Variants in CUL2 observed in about 807,000 individuals in gnomAD.
The protein encoded by CUL2 is cullin 2.
CUL2 carries 22 observed loss-of-function variants against 110.2 expected under a neutral mutation model. The ratio of observed to expected loss-of-function variants is 0.20; its 90% confidence interval spans 0.14 to 0.28. The LOEUF (loss-of-function observed/expected upper bound fraction) is 0.28, where lower values mean the gene tolerates loss of function less well. Ranked by LOEUF, CUL2 falls within the 10% of genes least tolerant of loss-of-function variation. The pLI is 1.00. For synonymous variants in CUL2, 279 were observed against 293.2 expected (o/e 0.95, Z 0.49); for missense variants, 631 against 905.5 (o/e 0.70, Z 3.89).
chr10:35,071,108 G>T, intron 2 of CUL2, 91 bp downstream of exon 2: 2 of 1,263,162 alleles, frequency 1.6e-6, no homozygotes, highest in Non-Finnish European at 2.2e-6. Context: ...TAGTTACATG[G>T]GAAAGTTCTT....
Position 35,070,329 on chromosome 10 carries a change from G to T in CUL2, c.119+870C>A, listed in dbSNP as rs568546960. On this transcript the variant is annotated intron_variant, in intron 2 of 20. Transcript: ENST00000374749. The stretch of plus-strand genomic sequence containing the variant: ...GTTGTAATGAATTAAATGGTTTTCT[G>T]TTGGTCTAAAGAACTTTACTCTTCT... Among the ~76,000 whole-genome samples, 14 of 152,258 alleles carry T rather than the reference G, an allele frequency of 9.2e-5. No individual in the cohort carries two copies. In the South Asian group the frequency reaches 2.7e-3, roughly 29 times the overall value.
chr10:35,023,163 C>T (rs2085245332), intron 17 of CUL2, among the ~76,000 whole-genome samples: 2 of 152,042 alleles, frequency 1.3e-5, no homozygotes, highest in African/African-American at 2.4e-5. Flanking sequence ...TTGAGTTAAT[C>T]ATTTTACAAT....
At chr10:35,119,732 C>T (rs1055431905) in intron 1 of CUL2, among the ~76,000 whole-genome samples, 8 of 151,922 alleles carry the variant, frequency 5.3e-5, no homozygotes, top group Non-Finnish European at 8.8e-5. Flanking sequence ...CCACATCTGG[C>T]TCATTTTTCT....
chr10:35,073,962 T>A (rs1396107144), intron 1 of CUL2: 2 of 688,644 alleles, frequency 2.9e-6, no homozygotes, highest in African/African-American at 3.5e-5. Flanking sequence ...AGAAACTTGC[T>A]TAAGGTCACA....
chr10:35,091,108 GT>G (rs1400748879), upstream of CUL2, among the ~76,000 whole-genome samples: 1 of 152,084 alleles, frequency 6.6e-6, no homozygotes, highest in Non-Finnish European at 1.5e-5. Context: ...AGTTTGAAGG[GT>G]TTTCCTCCCT....
chr10:35,113,228 G>A (rs2087543371), intron 1 of CUL2, among the ~76,000 whole-genome samples: 1 of 149,762 alleles, frequency 6.7e-6, no homozygotes, highest in South Asian at 2.1e-4. Flanking sequence ...AGGTGCGGTG[G>A]CTCACTTCTG....
intron 1 of CUL2, among the ~76,000 whole-genome samples, chr10:35,075,289 T>C (rs1302613482): frequency 6.6e-6 from 1 of 152,150 alleles, no homozygotes; most frequent in Non-Finnish European, 1.5e-5. Flanking sequence ...AAAGCTCATA[T>C]AACTAGGAAA....
chr10:35,044,492 A>T, intron 8 of CUL2, 74 bp downstream of exon 8: 1 of 920,508 alleles, frequency 1.1e-6, no homozygotes, highest in Non-Finnish European at 1.6e-6. Flanking sequence ...AAACAAGAAA[A>T]CTAAGAACGA....
At chr10:35,060,799 TA>T in intron 4 of CUL2, 74 bp downstream of exon 4, 13 of 1,181,920 alleles carry the variant, frequency 1.1e-5, no homozygotes, top group East Asian at 4.8e-5. Context: ...AAATAGGCAA[TA>T]AAAAAATTAT....
intron 4 of CUL2, among the ~76,000 whole-genome samples, chr10:35,057,931 T>TA (rs1018564402): frequency 2.5e-4 from 37 of 148,364 alleles, no homozygotes; most frequent in East Asian, 1.8e-3. Flanking sequence ...CCATCTCTAC[T>TA]AAAAAAAAAT....
At chr10:35,028,999 G>A (rs1351641100) in intron 15 of CUL2, 112 bp from the exon 16 acceptor site, 3 of 630,448 alleles carry the variant, frequency 4.8e-6, no homozygotes, top group Non-Finnish European at 8.1e-6. Flanking sequence ...TCCTCAAAAT[G>A]TTGATGAAAT....
intron 1 of CUL2, among the ~76,000 whole-genome samples, chr10:35,121,523 C>T (rs934505672): frequency 1.3e-5 from 2 of 152,178 alleles, no homozygotes; most frequent in Admixed American, 1.3e-4. Context: ...TACTAGGATC[C>T]CTGTTCTACA....
chr10:35,085,601 G>A (rs558532006), intron 1 of CUL2, among the ~76,000 whole-genome samples: 15 of 148,070 alleles, frequency 1.0e-4, no homozygotes, highest in Admixed American at 4.0e-4. Flanking sequence ...AAAATTAGCC[G>A]GGCATGGTGG....
intron 1 of CUL2, among the ~76,000 whole-genome samples, chr10:35,088,682 TAAA>T (rs1374409213): frequency 5.3e-5 from 8 of 151,660 alleles, no homozygotes. Flanking sequence ...CTGGTGAGGG[TAAA>T]AGACATGGAT....
intron 1 of CUL2, among the ~76,000 whole-genome samples, chr10:35,105,397 G>T (rs557547068): frequency 2.6e-5 from 4 of 151,416 alleles, no homozygotes; most frequent in Admixed American, 6.6e-5. Context: ...CTGCACTCCA[G>T]CCTGGGCGAC....
intron 1 of CUL2, among the ~76,000 whole-genome samples, chr10:35,114,103 T>C (rs2087559329): frequency 6.6e-6 from 1 of 150,682 alleles, no homozygotes; most frequent in Non-Finnish European, 1.5e-5. Context: ...TTGGTATCTT[T>C]AGTTGAGACG....
At chr10:35,126,178 C>A (rs1343514702) in intron 1 of CUL2, among the ~76,000 whole-genome samples, 1 of 152,162 alleles carries the variant, frequency 6.6e-6, no homozygotes, top group African/African-American at 2.4e-5. Context: ...AGGCTGGTCT[C>A]CTGGGCTCAA....
In CUL2 at chr10:35,029,593, T is replaced by G. The variant is rs2085431636; in HGVS notation, c.1434A>C (p.Thr478=). The change falls in exon 15 of 21, where the codon ACA becomes ACC. Residue 478 remains threonine, a synonymous_variant. Transcript: ENST00000374749. ...EFTSKLHRMY[T]DMSVSADLNN... is the part of the protein sequence containing the mutation. ...TGAGATCAGCGCTGACACTCATATC[T>G]GTATACATCCGATGTAGCTTGCTGG... 1 of 1,596,448 alleles carries G rather than the reference T, an allele frequency of 6.3e-7. No homozygotes were observed. The highest frequency in any genetic ancestry group is 1.4e-5 in the African/African-American group (1 of 73,786).
chr10:35,013,168 G>A (rs1015443621), intron 19 of CUL2, among the ~76,000 whole-genome samples: 8 of 151,902 alleles, frequency 5.3e-5, no homozygotes, highest in African/African-American at 1.9e-4. Flanking sequence ...GTGAAACCCC[G>A]TCTATACTAA....
Sources: allele counts gnomAD v4.1 joint callset (sites outside exome capture counted in the v4.1 genomes callset), GRCh38; gene constraint gnomAD v4.1.1; transcripts MANE v1.5; gene names NCBI Gene and HGNC (gene_info 2026-07-23, HGNC 2026-07-21).